The following PDE7A variants were observed in gnomAD, a reference collection of about 807,000 sequenced individuals.
PDE7A encodes the protein high affinity 3',5'-cyclic-AMP phosphodiesterase 7A.
Under a neutral mutation model 64.3 loss-of-function variants are expected in PDE7A, and 39 were observed. That is an observed-to-expected ratio of 0.61 (90% CI 0.47 to 0.79). The LOEUF is 0.79. PDE7A is among the 30% of genes least tolerant of loss of function. The pLI, the probability that PDE7A is intolerant of heterozygous loss-of-function variation, is 0.00. For missense variants in PDE7A, 470 were observed against 582.8 expected, an observed-to-expected ratio of 0.81 and a Z score of 1.99; for synonymous variants, 203 against 206.8, an observed-to-expected ratio of 0.98 and a Z score of 0.16.
chr8:65,746,807 G>C (rs1807696318), intron 4 of PDE7A, among the ~76,000 whole-genome samples: 1 of 152,096 alleles, frequency 6.6e-6, no homozygotes, highest in South Asian at 2.1e-4. Context: ...GCTTTCCACT[G>C]ATTTCTTTTA....
intron 1 of PDE7A, among the ~76,000 whole-genome samples, chr8:65,822,512 T>C (rs1309536745): frequency 6.6e-6 from 1 of 152,204 alleles, no homozygotes; most frequent in Non-Finnish European, 1.5e-5. Flanking sequence ...AATATCTACT[T>C]GGTGTGAAGC....
At chr8:65,821,884 G>A (rs886096658) in intron 1 of PDE7A, among the ~76,000 whole-genome samples, 5 of 152,066 alleles carry the variant, frequency 3.3e-5, no homozygotes, top group African/African-American at 2.4e-5. Flanking sequence ...TTTAAAATAT[G>A]GCTACAACAA....
At chr8:65,788,513 CAA>C (rs1809619541) in intron 1 of PDE7A, among the ~76,000 whole-genome samples, 1 of 152,084 alleles carries the variant, frequency 6.6e-6, no homozygotes, top group African/African-American at 2.4e-5. Flanking sequence ...TTTAAATACA[CAA>C]GTGTTATTAC....
At chr8:65,786,161 G>T (rs984113759) in intron 1 of PDE7A, among the ~76,000 whole-genome samples, 1 of 151,972 alleles carries the variant, frequency 6.6e-6, no homozygotes, top group Non-Finnish European at 1.5e-5. Context: ...AAATTACATA[G>T]GTCTGTGCAA....
At chr8:65,803,911 A>G (rs1458292153) in intron 1 of PDE7A, among the ~76,000 whole-genome samples, 2 of 152,178 alleles carry the variant, frequency 1.3e-5, no homozygotes, top group Non-Finnish European at 2.9e-5. Flanking sequence ...AGCAGAGGCA[A>G]GGTGTGTGTA....
chr8:65,801,765 G>A (rs1423120745), intron 1 of PDE7A, among the ~76,000 whole-genome samples: 1 of 152,168 alleles, frequency 6.6e-6, no homozygotes, highest in African/African-American at 2.4e-5. Flanking sequence ...ATTTTGATGA[G>A]CTTAATTGCA....
At chr8:65,783,494 T>C (rs1163979698) in intron 1 of PDE7A, among the ~76,000 whole-genome samples, 2 of 152,218 alleles carry the variant, frequency 1.3e-5, no homozygotes, top group Non-Finnish European at 2.9e-5. Context: ...ACTGCTTCAC[T>C]GTTCCCTTCT....
At chr8:65,748,325 A>C (rs996352947) in intron 3 of PDE7A, among the ~76,000 whole-genome samples, 1 of 152,208 alleles carries the variant, frequency 6.6e-6, no homozygotes, top group African/African-American at 2.4e-5. Context: ...AGGAGGTAGA[A>C]GGGGGAGCAA....
chr8:65,740,812 A>G (rs945718055), intron 5 of PDE7A, among the ~76,000 whole-genome samples: 2 of 151,974 alleles, frequency 1.3e-5, no homozygotes. Context: ...TCTCTTTTCT[A>G]TATTGTCTCA....
At chr8:65,819,942 C>T (rs1810502214) in intron 1 of PDE7A, among the ~76,000 whole-genome samples, 1 of 152,128 alleles carries the variant, frequency 6.6e-6, no homozygotes, top group Non-Finnish European at 1.5e-5. Context: ...TCCTCCTTCT[C>T]CTCCCCACAG....
chr8:65,835,389 G>C (rs1047307511), intron 1 of PDE7A, among the ~76,000 whole-genome samples: 7 of 152,062 alleles, frequency 4.6e-5, no homozygotes, highest in African/African-American at 1.7e-4. Context: ...TCCTTAAGAG[G>C]GCCTGCATGC....
chr8:65,829,344 GGCTTT>G (rs1810756941), intron 1 of PDE7A, among the ~76,000 whole-genome samples: 1 of 152,020 alleles, frequency 6.6e-6, no homozygotes, highest in Non-Finnish European at 1.5e-5. Flanking sequence ...TTCTGATAAT[GGCTTT>G]GCTTTATCTC....
intron 12 of PDE7A, 159 bp downstream of exon 12, chr8:65,723,382 A>G (rs1203344580): frequency 1.7e-6 from 1 of 592,340 alleles, no homozygotes; most frequent in African/African-American, 1.9e-5. Flanking sequence ...TGAGAATTAG[A>G]AGAGCCATAA....
At chr8:65,841,199 G>A (rs931398760) in intron 1 of PDE7A, among the ~76,000 whole-genome samples, 172 bp downstream of exon 1, 6 of 152,186 alleles carry the variant, frequency 3.9e-5, no homozygotes, top group Non-Finnish European at 8.8e-5. Flanking sequence ...AGAACTGAGG[G>A]GGGACAGCCA....
chr8:65,802,911 C>T (rs1167061396), intron 1 of PDE7A, among the ~76,000 whole-genome samples: 1 of 152,094 alleles, frequency 6.6e-6, no homozygotes, highest in Non-Finnish European at 1.5e-5. Context: ...TCTGGGTTCA[C>T]TCATCTGGTC....
chr8:65,749,315 C>T (rs1807825892), intron 3 of PDE7A, among the ~76,000 whole-genome samples: 1 of 152,148 alleles, frequency 6.6e-6, no homozygotes, highest in East Asian at 1.9e-4. Context: ...TAAATGCATA[C>T]TATTTTTAAA....
intron 7 of PDE7A, among the ~76,000 whole-genome samples, chr8:65,728,829 T>A (rs1354049494): frequency 6.6e-6 from 1 of 152,192 alleles, no homozygotes; most frequent in Non-Finnish European, 1.5e-5. Context: ...AATTAATGTA[T>A]GACTGCACAT....
intron 1 of PDE7A, among the ~76,000 whole-genome samples, chr8:65,827,501 A>G (rs968259399): frequency 3.9e-5 from 6 of 152,188 alleles, no homozygotes; most frequent in Non-Finnish European, 7.3e-5. Context: ...ACTAGCCACC[A>G]TAACACTCAC....
At chr8:65,749,098 T>C (rs967042552) in intron 3 of PDE7A, among the ~76,000 whole-genome samples, 5 of 152,178 alleles carry the variant, frequency 3.3e-5, no homozygotes, top group South Asian at 2.1e-4. Context: ...TGCCCCTATC[T>C]TGAAGAGGCG....
Sources: allele counts gnomAD v4.1 joint callset (sites outside exome capture counted in the v4.1 genomes callset), GRCh38; gene constraint gnomAD v4.1.1; transcripts MANE v1.5; gene names NCBI Gene and HGNC (gene_info 2026-07-23, HGNC 2026-07-21).